Variants in NSD3 observed in about 807,000 individuals in gnomAD.
NSD3 encodes nuclear receptor binding SET domain protein 3, also known as histone-lysine N-methyltransferase NSD3.
NSD3 carries 24 observed loss-of-function variants against 160.8 expected under a neutral mutation model. The ratio of observed to expected loss-of-function variants is 0.15; its 90% CI spans 0.11 to 0.21. NSD3 has a LOEUF of 0.21. Ranked by LOEUF, NSD3 falls within the 10% of genes least tolerant of loss-of-function variation. The pLI is 1.00. For missense variants in NSD3, 1,157 were observed against 1,735.9 expected, an observed-to-expected ratio of 0.67 and a Z score of 5.93; for synonymous variants, 520 against 600.0, an observed-to-expected ratio of 0.87 and a Z score of 1.95.
intron 6 of NSD3, among the ~76,000 whole-genome samples, chr8:38,327,424 G>C (rs1368968281): frequency 6.6e-6 from 1 of 151,990 alleles, no homozygotes; most frequent in Non-Finnish European, 1.5e-5. Flanking sequence ...GTGTGATCTT[G>C]GCTCACTGCA....
intron 14 of NSD3, among the ~76,000 whole-genome samples, chr8:38,301,286 A>C (rs769084495): frequency 6.6e-6 from 1 of 152,172 alleles, no homozygotes; most frequent in Non-Finnish European, 1.5e-5. Context: ...CTTCTAATAA[A>C]AGTTATATGG....
At position 38,326,802 on chromosome 8, in the gene NSD3, A is replaced by G; in HGVS notation, c.1636T>C (p.Ser546Pro). 6.2e-7 allele frequency: 1 copy of G among 1,614,112 alleles called. No individual in the cohort carries two copies. Among genetic ancestry groups the G allele is most frequent in the African/African-American group, 1.3e-5 (1 of 75,050 alleles). Reference protein sequence around the residue: ...SVRGQDRLIISTPNQRNEKPT... With the variant: ...SVRGQDRLIIPTPNQRNEKPT... ...TTTTCATTTCTCTGGTTTGGTGTAG[A>G]AATTATAAGCCTGTCTTGCCCCCTG... Residue 546 changes from serine to proline, a missense_variant, in exon 7 of 24, where the codon TCT becomes CCT. Transcript: ENST00000317025.
chr8:38,366,680 G>A (rs1056746201), intron 1 of NSD3, among the ~76,000 whole-genome samples: 1 of 151,948 alleles, frequency 6.6e-6, no homozygotes, highest in African/African-American at 2.4e-5. Context: ...CCAAAGTGCT[G>A]GGATTACAGG....
chr8:38,375,721 C>T (rs1811372192), intron 1 of NSD3, among the ~76,000 whole-genome samples: 1 of 151,588 alleles, frequency 6.6e-6, no homozygotes, highest in Non-Finnish European at 1.5e-5. Flanking sequence ...TAAAGTTCAC[C>T]ATTCATTTAA....
At position 38,304,677 on chromosome 8, in the gene NSD3, A is replaced by T; in HGVS notation, c.2521T>A (p.Ser841Thr). 6.2e-7 allele frequency: 1 copy of T among 1,614,128 alleles called. No homozygotes were observed. The highest frequency in any genetic ancestry group is 8.5e-7 in the Non-Finnish European group (1 of 1,180,004). The change falls in exon 14 of 24, where the codon TCC (serine) becomes ACC (threonine). Residue 841 changes from serine (S) to threonine (T), a missense_variant. Transcript: ENST00000317025. ...ACIAAGSMLV[S>T]SYILICSNHS... ...TTACTACAGATGAGAATGTAGGAGG[A>T]TACTAACATGCTTCCGGCCGCAATG...
chr8:38,324,733 C>G (rs1165788684), intron 7 of NSD3, among the ~76,000 whole-genome samples: 6 of 152,278 alleles, frequency 3.9e-5, no homozygotes, highest in African/African-American at 1.2e-4. Context: ...CTAGAAAAAC[C>G]AAGCTATGAT....
intron 14 of NSD3, 83 bp from the exon 15 acceptor site, chr8:38,299,673 T>C (rs1272490364): frequency 2.2e-6 from 3 of 1,350,312 alleles, no homozygotes; most frequent in African/African-American, 3.0e-5. Flanking sequence ...ACACCTATTA[T>C]GTATGCTTCA....
chr8:38,346,689 G>C (rs1479545802), intron 2 of NSD3, among the ~76,000 whole-genome samples: 1 of 152,044 alleles, frequency 6.6e-6, no homozygotes, highest in Non-Finnish European at 1.5e-5. Flanking sequence ...TCACATGTGA[G>C]TTGTATGAAG....
intron 2 of NSD3, among the ~76,000 whole-genome samples, chr8:38,339,820 T>A (rs1380934911): frequency 6.6e-6 from 1 of 152,074 alleles, no homozygotes; most frequent in Non-Finnish European, 1.5e-5. Context: ...CACTCTTCCA[T>A]CTAGCAATCA....
In NSD3 at chr8:38,304,699, A is replaced by G; in HGVS notation, c.2499T>C (p.Ile833=). The change falls in exon 14 of 24, where the codon ATT becomes ATC. Residue 833 remains isoleucine, a synonymous_variant. Coordinates refer to ENST00000317025, the MANE Select transcript of NSD3 (RefSeq NM_023034.2). The stretch of plus-strand genomic sequence containing the variant: ...AGGATACTAACATGCTTCCGGCCGC[A>G]ATGCAAGCATCTCCAGAGTGATAGG... The part of the protein sequence containing the change: ...PVAYHSGDAC[I]AAGSMLVSSY... 6.2e-7 allele frequency: 1 copy of G among 1,614,080 alleles called. No individual in the cohort carries two copies. Among genetic ancestry groups the G allele is most frequent in the Non-Finnish European group, 8.5e-7 (1 of 1,179,996 alleles).
At chr8:38,379,725 G>A (rs1811489441) in intron 1 of NSD3, among the ~76,000 whole-genome samples, 3 of 152,158 alleles carry the variant, frequency 2.0e-5, no homozygotes. Context: ...AGTTCAACTG[G>A]TTTGAGTCCA....
At chr8:38,296,600 C>T (rs934692498) in intron 15 of NSD3, among the ~76,000 whole-genome samples, 2 of 151,916 alleles carry the variant, frequency 1.3e-5, no homozygotes, top group African/African-American at 4.8e-5. Context: ...TCCCTTTTCC[C>T]TCCTCATGAA....
intron 14 of NSD3, among the ~76,000 whole-genome samples, chr8:38,302,541 T>G (rs1415307742): frequency 4.6e-5 from 7 of 152,238 alleles, no homozygotes. Flanking sequence ...ATTGTTAAGA[T>G]GTAAATACAG....
intron 1 of NSD3, among the ~76,000 whole-genome samples, chr8:38,375,072 A>T (rs951119131): frequency 2.6e-5 from 4 of 152,232 alleles, no homozygotes; most frequent in Admixed American, 2.0e-4. Flanking sequence ...ATTTTTAAAA[A>T]GCCAAGTTAT....
intron 12 of NSD3, among the ~76,000 whole-genome samples, chr8:38,308,487 A>T (rs1421872632): frequency 6.6e-6 from 1 of 152,212 alleles, no homozygotes; most frequent in Non-Finnish European, 1.5e-5. Flanking sequence ...TTGACTTCAC[A>T]GATTGGTTTA....
At chr8:38,314,496 C>G in intron 12 of NSD3, 151 bp downstream of exon 12, 1 of 1,211,404 alleles carries the variant, frequency 8.3e-7, no homozygotes, top group Non-Finnish European at 1.1e-6. Flanking sequence ...AATCTTGAAG[C>G]CAAATCTTAA....
At chr8:38,277,999 T>C (rs1032586002) in intron 22 of NSD3, among the ~76,000 whole-genome samples, 3 of 150,808 alleles carry the variant, frequency 2.0e-5, no homozygotes, top group Non-Finnish European at 3.0e-5. Flanking sequence ...AGTGCAGTGG[T>C]GCGATCTTGG....
intron 1 of NSD3, among the ~76,000 whole-genome samples, chr8:38,372,980 G>C (rs1396705376): frequency 1.3e-5 from 2 of 149,850 alleles, no homozygotes; most frequent in Non-Finnish European, 3.0e-5. Flanking sequence ...AACCCGGGAC[G>C]CGGAGGTTGC....
At chr8:38,335,106 C>T (rs1328351126) in intron 4 of NSD3, among the ~76,000 whole-genome samples, 1 of 151,354 alleles carries the variant, frequency 6.6e-6, no homozygotes, top group Non-Finnish European at 1.5e-5. Flanking sequence ...TCTCTTGTCT[C>T]AGTCACCTGA....
Sources: gnomAD v4.1 joint callset for allele counts (sites outside exome capture counted in the v4.1 genomes callset) on GRCh38, gnomAD v4.1.1 for gene constraint, MANE v1.5 for transcripts, NCBI Gene and HGNC (gene_info 2026-07-23, HGNC 2026-07-21) for gene names.